Variants in TET2 observed in about 807,000 individuals in gnomAD.
TET2 encodes the protein tet methylcytosine dioxygenase 2, also known as methylcytosine dioxygenase TET2.
In TET2, 299 loss-of-function variants were observed where a neutral mutation model predicts 142.9. The observed-to-expected ratio is 2.09, with a 90% confidence interval of 1.90 to 2.30. The LOEUF is 2.30. Ranked by LOEUF, TET2 falls within the 30% of genes most tolerant of loss-of-function variation. The probability of loss-of-function intolerance (pLI) is 0.00; values close to 1 mark genes in which losing one functional copy is unlikely to be tolerated. For synonymous variants in TET2, 819 were observed against 849.0 expected (o/e 0.96, Z 0.61); for missense variants, 2,418 against 2,378.0 (o/e 1.02, Z -0.35).
chr4:105,235,344 C>T lies in TET2; in HGVS notation c.1402C>T (p.His468Tyr). 6.2e-7 allele frequency: 1 copy of T among 1,614,132 alleles called. No homozygotes were observed. Residue 468 changes from histidine (H) to tyrosine (Y), a missense_variant, in exon 3 of 11, where the codon CAT (histidine) becomes TAT (tyrosine). By Grantham distance (83) the His-to-Tyr change is moderately conservative (BLOSUM62 2). Coordinates refer to ENST00000380013, the MANE Select transcript of TET2 (RefSeq NM_001127208.3). ...PPSQSPNPST[H>Y]VCSPSPMLSE... Reference sequence around the variant, plus strand: ...TTCCCAGAGTCCTAATCCATCTACACATGTATGCAGCCCTTCTCCGATGCT... The same window carrying T: ...TTCCCAGAGTCCTAATCCATCTACATATGTATGCAGCCCTTCTCCGATGCT...
Position 105,234,972 on chromosome 4 carries a change from A to G in TET2, c.1030A>G (p.Thr344Ala). Residue 344 changes from threonine (T) to alanine (A), a missense_variant, in exon 3 of 11, where the codon ACA becomes GCA. By Grantham distance (58) the Thr-to-Ala change is moderately conservative (BLOSUM62 0). Transcript: ENST00000380013. Reference protein sequence around the residue: ...SPAENNIQGTTKLASGEEFCS... With the variant: ...SPAENNIQGTAKLASGEEFCS... ...TGCAGAAAATAACATCCAGGGAACC[A>G]CAAAGCTAGCGTCTGGTGAAGAATT... 1 of 1,614,030 alleles carries G rather than the reference A, an allele frequency of 6.2e-7. No homozygotes were observed. Among genetic ancestry groups the G allele is most frequent in the Non-Finnish European group, 8.5e-7 (1 of 1,179,970 alleles).
At chr4:105,251,699 A>C (rs1006225874) in intron 6 of TET2, among the ~76,000 whole-genome samples, 1 of 151,938 alleles carries the variant, frequency 6.6e-6, no homozygotes, top group Non-Finnish European at 1.5e-5. Flanking sequence ...TTCTCTTGTG[A>C]TATCTTTGGT....
intron 1 of TET2, among the ~76,000 whole-genome samples, chr4:105,152,296 A>T (rs1723342593): frequency 6.6e-6 from 1 of 152,158 alleles, no homozygotes; most frequent in African/African-American, 2.4e-5. Flanking sequence ...AAGAAAAATA[A>T]TAATAATAAA....
At position 105,241,348 on chromosome 4, in the gene TET2, T is replaced by C; in HGVS notation, c.3419T>C (p.Ile1140Thr). ...FPSCRCVEQIIEKDEGPFYTH... is the reference protein window; with the variant it reads ...FPSCRCVEQITEKDEGPFYTH... The stretch of plus-strand genomic sequence containing the variant: ...TCTATTATCTCAACAGAGCAAATTA[T>C]TGAAAAAGATGAAGGTCCTTTTTAT... The change falls in exon 4 of 11, where the codon ATT becomes ACT. Residue 1140 changes from isoleucine (I) to threonine (T), a missense_variant. By Grantham distance (89) the Ile-to-Thr change is moderately conservative (BLOSUM62 -1). Transcript: ENST00000380013. The C allele has an allele frequency of 6.5e-7, 1 of 1,546,002 alleles. No homozygotes were observed.
intron 2 of TET2, among the ~76,000 whole-genome samples, chr4:105,206,456 A>G (rs1404730112): frequency 6.6e-6 from 1 of 152,210 alleles, no homozygotes; most frequent in Non-Finnish European, 1.5e-5. Context: ...CTCAAATGGT[A>G]CAAACGTGGA....
intron 2 of TET2, among the ~76,000 whole-genome samples, chr4:105,218,065 A>C (rs1018258629): frequency 2.6e-5 from 4 of 152,132 alleles, no homozygotes; most frequent in African/African-American, 9.6e-5. Context: ...TAAGTTTATC[A>C]ATTAATAATC....
chr4:105,193,008 T>C (rs909111962), intron 2 of TET2, among the ~76,000 whole-genome samples: 2 of 152,116 alleles, frequency 1.3e-5, no homozygotes, highest in African/African-American at 4.8e-5. Flanking sequence ...TGCAGAGTGA[T>C]TTAAAAAGAA....
At chr4:105,207,504 A>G (rs936180594) in intron 2 of TET2, among the ~76,000 whole-genome samples, 2 of 152,092 alleles carry the variant, frequency 1.3e-5, no homozygotes, top group Non-Finnish European at 2.9e-5. Flanking sequence ...TTAAAAGACA[A>G]GTGGAAAGCC....
intron 3 of TET2, chr4:105,240,055 C>T (rs915708973): frequency 4.2e-5 from 10 of 236,392 alleles, no homozygotes; most frequent in Non-Finnish European, 5.4e-5. Context: ...ATTATGGGTA[C>T]GGTTTGTGGC....
At chr4:105,211,177 T>C (rs1727139915) in intron 2 of TET2, among the ~76,000 whole-genome samples, 1 of 152,212 alleles carries the variant, frequency 6.6e-6, no homozygotes, top group Admixed American at 6.5e-5. Flanking sequence ...CATTCTATCA[T>C]TGGCTTTTTC....
chr4:105,146,334 C>T (rs2110332381), upstream of TET2: 1 of 152,756 alleles, frequency 6.5e-6, no homozygotes. Flanking sequence ...AACCTTCGCG[C>T]TTGCTCTGCT....
intron 2 of TET2, among the ~76,000 whole-genome samples, chr4:105,229,335 A>T (rs547572242): frequency 2.6e-5 from 4 of 152,262 alleles, no homozygotes; most frequent in Non-Finnish European, 5.9e-5. Context: ...TTTTTGAGAC[A>T]GAGTCTCGCT....
chr4:105,162,750 A>G (rs1435117107), intron 1 of TET2, among the ~76,000 whole-genome samples: 6 of 152,218 alleles, frequency 3.9e-5, no homozygotes, highest in Non-Finnish European at 7.3e-5. Context: ...TTTACATTTT[A>G]TTTTTGAAAA....
Position 105,223,149 on chromosome 4 carries a change from G to T in TET2, c.-46-10748G>T, listed in dbSNP as rs944663050. The stretch of plus-strand genomic sequence containing the variant: ...AAGAGATGTGAAGTACATCTTCACA[G>T]ATTTTTAAATATTTAGATAGAAAGT... On this transcript the variant is annotated intron_variant, in intron 2 of 10. Coordinates refer to ENST00000380013, the MANE Select transcript of TET2 (RefSeq NM_001127208.3). Among the ~76,000 whole-genome samples the T allele has an allele frequency of 2.0e-5, 3 of 152,204 alleles. No individual in the cohort carries two copies. The East Asian group carries it at 5.8e-4, about 29-fold the overall frequency.
intron 2 of TET2, among the ~76,000 whole-genome samples, chr4:105,220,005 T>C (rs1469405287): frequency 1.3e-5 from 2 of 152,142 alleles, no homozygotes; most frequent in Non-Finnish European, 2.9e-5. Flanking sequence ...ACAGGAGTAT[T>C]TATCTCTTTT....
intron 2 of TET2, among the ~76,000 whole-genome samples, chr4:105,225,839 C>T (rs1444068007): frequency 6.6e-5 from 10 of 152,102 alleles, no homozygotes; most frequent in Admixed American, 1.3e-4. Flanking sequence ...ATAAATCATC[C>T]TCAAATATTC....
At chr4:105,200,864 T>A (rs1726420848) in intron 2 of TET2, among the ~76,000 whole-genome samples, 1 of 152,126 alleles carries the variant, frequency 6.6e-6, no homozygotes, top group Non-Finnish European at 1.5e-5. Flanking sequence ...TTTCACCATG[T>A]TGGCCAGGAT....
At chr4:105,248,391 TA>T (rs1454102233) in intron 6 of TET2, among the ~76,000 whole-genome samples, 1 of 152,250 alleles carries the variant, frequency 6.6e-6, no homozygotes, top group African/African-American at 2.4e-5. Context: ...ATTTTTACTT[TA>T]AAAATATTTT....
At chr4:105,264,273 A>G (rs12506248) in intron 8 of TET2, among the ~76,000 whole-genome samples, 5,061 of 152,244 alleles carry the variant, frequency 0.033, 113 homozygotes, top group Admixed American at 0.056. Flanking sequence ...TAGTATCACA[A>G]AGTATAAGGA....
Sources: allele counts gnomAD v4.1 joint callset (sites outside exome capture counted in the v4.1 genomes callset), GRCh38; gene constraint gnomAD v4.1.1; transcripts MANE v1.5; gene names NCBI Gene and HGNC (gene_info 2026-07-23, HGNC 2026-07-21).